Variants in SUSD4 observed in about 807,000 individuals in gnomAD.
SUSD4 encodes sushi domain-containing protein 4.
SUSD4 carries 41 observed loss-of-function variants against 50.5 expected under a neutral mutation model. The observed-to-expected ratio is 0.81, with a 90% CI of 0.63 to 1.05. The LOEUF is 1.05. Among genes scored for constraint, SUSD4 ranks in the 50% least tolerant of loss-of-function variants. The pLI, the probability that SUSD4 is intolerant of heterozygous loss-of-function variation, is 0.00. For synonymous variants in SUSD4, 257 were observed against 257.3 expected (o/e 1.00, Z 0.01); for missense variants, 580 against 634.7 (o/e 0.91, Z 0.93).
Position 223,270,903 on chromosome 1 carries a change from T to C in SUSD4, c.362-2228A>G, listed in dbSNP as rs76445061. ...ACTGTTCATGTTTAACAAACAGTTTTCCTGCTAGCATAGTTGAGTTCCCCA... is the reference window on the plus strand; with the variant it reads ...ACTGTTCATGTTTAACAAACAGTTTCCCTGCTAGCATAGTTGAGTTCCCCA... On this transcript the variant is annotated intron_variant, in intron 3 of 8. Coordinates refer to ENST00000366878, the MANE Select transcript of SUSD4 (RefSeq NM_017982.4). Among the ~76,000 whole-genome samples, 745 of 152,314 alleles carry C rather than the reference T, an allele frequency of 4.9e-3. 7 individuals are homozygous for C. The highest frequency in any genetic ancestry group is 0.015 in the African/African-American group (605 of 41,582).
intron 2 of SUSD4, among the ~76,000 whole-genome samples, chr1:223,345,148 C>T (rs1272497891): frequency 6.6e-6 from 1 of 152,152 alleles, no homozygotes; most frequent in African/African-American, 2.4e-5. Flanking sequence ...AAGTGGTGCT[C>T]ACAAACATAC....
chr1:223,234,070 CCA>C (rs1297237862), intron 5 of SUSD4, among the ~76,000 whole-genome samples: 1 of 152,154 alleles, frequency 6.6e-6, no homozygotes, highest in East Asian at 1.9e-4. Flanking sequence ...GCAGCAGAGT[CCA>C]GTTTTTACCA....
chr1:223,316,653 T>A (rs951675469), intron 2 of SUSD4, among the ~76,000 whole-genome samples: 2 of 152,182 alleles, frequency 1.3e-5, no homozygotes, highest in African/African-American at 4.8e-5. Flanking sequence ...GTCAGAACCA[T>A]GCCCAGTGGA....
At chr1:223,315,470 C>T (rs984775579) in intron 2 of SUSD4, among the ~76,000 whole-genome samples, 31 of 152,308 alleles carry the variant, frequency 2.0e-4, no homozygotes, top group Admixed American at 9.8e-4. Context: ...ACTGGACCCG[C>T]GGACTCCGCC....
At chr1:223,337,287 A>C (rs552198807) in intron 2 of SUSD4, among the ~76,000 whole-genome samples, 1 of 152,346 alleles carries the variant, frequency 6.6e-6, no homozygotes, top group African/African-American at 2.4e-5. Flanking sequence ...GATGTCTTCC[A>C]TTGCTCAAAC....
chr1:223,270,355 TCTGTGAACCTCTGCCCAAGCAAG>T (rs1325479697), intron 3 of SUSD4, among the ~76,000 whole-genome samples: 1 of 152,088 alleles, frequency 6.6e-6, no homozygotes, highest in Non-Finnish European at 1.5e-5. Flanking sequence ...CGAAAGGAGT[TCTGTGAACCTCTGCCCAAGCAAG>T]CTGTGAGGGC....
At chr1:223,350,220 A>G (rs1325993147) in intron 2 of SUSD4, among the ~76,000 whole-genome samples, 1 of 152,272 alleles carries the variant, frequency 6.6e-6, no homozygotes, top group Non-Finnish European at 1.5e-5. Context: ...TGACGGAGAC[A>G]GTATCCCACA....
chr1:223,243,175 A>G (rs764325469), intron 5 of SUSD4, among the ~76,000 whole-genome samples: 3 of 152,118 alleles, frequency 2.0e-5, no homozygotes, highest in Non-Finnish European at 2.9e-5. Flanking sequence ...CCATTCCCAC[A>G]TGGAGACACC....
intron 3 of SUSD4, among the ~76,000 whole-genome samples, chr1:223,287,188 G>T (rs1035100769): frequency 6.6e-6 from 1 of 152,208 alleles, no homozygotes; most frequent in Non-Finnish European, 1.5e-5. Flanking sequence ...CAATTCTCAT[G>T]CCTTGGCTTC....
intron 3 of SUSD4, among the ~76,000 whole-genome samples, chr1:223,278,051 T>C (rs1303985317): frequency 2.0e-5 from 3 of 152,038 alleles, no homozygotes; most frequent in African/African-American, 4.8e-5. Flanking sequence ...CTGATGCAGG[T>C]AGTCCTTGGC....
chr1:223,341,014 T>G (rs1228430693), intron 2 of SUSD4, among the ~76,000 whole-genome samples: 1 of 152,128 alleles, frequency 6.6e-6, no homozygotes, highest in East Asian at 1.9e-4. Flanking sequence ...AAAATACACA[T>G]GTTTGATATG....
At position 223,227,255 on chromosome 1, in the gene SUSD4, C is replaced by A. The variant is rs1396243977; in HGVS notation, c.1061+339G>T. Among the ~76,000 whole-genome samples, 1 of 152,120 alleles carries A rather than the reference C, an allele frequency of 6.6e-6. No homozygotes were observed. The highest frequency in any genetic ancestry group is 1.5e-5 in the Non-Finnish European group (1 of 68,024). On this transcript the variant is annotated intron_variant, in intron 7 of 8. Coordinates refer to ENST00000366878, the MANE Select transcript of SUSD4 (RefSeq NM_017982.4). This position sits in a 1 kb window ranked among gnomAD's most constrained non-coding sequence, Gnocchi z 4.5. ...AGACTGAGCTGTGTGGTGCTTCACT[C>A]CAGGGCCACATGCAGGGGGACCACA...
At chr1:223,235,204 T>A in intron 5 of SUSD4, 1 of 1,255,264 alleles carries the variant, frequency 8.0e-7, no homozygotes, top group Non-Finnish European at 1.1e-6. Context: ...AAAGACTTTA[T>A]TTTTAAGAGC....
rs1659925902 is a variant in SUSD4 at position 223,231,932 on chromosome 1, A to T, written c.725-2544T>A. On this transcript the variant is annotated intron_variant, in intron 5 of 8. Coordinates refer to ENST00000366878, the MANE Select transcript of SUSD4 (RefSeq NM_017982.4). The surrounding 1 kb of genome is among the most constrained non-coding windows in gnomAD (Gnocchi z 4.2). Reference sequence around the variant, plus strand: ...AAGGGTATGGCAAGTGTCCATTGACAGATGAATGGATAAAGAAAATATAGG... The same window carrying T: ...AAGGGTATGGCAAGTGTCCATTGACTGATGAATGGATAAAGAAAATATAGG... 6.6e-6 allele frequency among the ~76,000 whole-genome samples: 1 copy of T among 152,232 alleles called. No individual in the cohort carries two copies. The highest frequency in any genetic ancestry group is 2.4e-5 in the African/African-American group (1 of 41,458).
chr1:223,364,445 G>T (rs1669201712), upstream of SUSD4, among the ~76,000 whole-genome samples: 1 of 148,392 alleles, frequency 6.7e-6, no homozygotes, highest in African/African-American at 2.4e-5. This position sits in a 1 kb window ranked among gnomAD's most constrained non-coding sequence, Gnocchi z 4.5. Flanking sequence ...GCGCCGCGGC[G>T]TGGCCGGAGA....
upstream of SUSD4, among the ~76,000 whole-genome samples, chr1:223,364,932 C>T (rs1206936705): frequency 1.3e-5 from 2 of 152,186 alleles, no homozygotes; most frequent in Non-Finnish European, 2.9e-5. This position sits in a 1 kb window ranked among gnomAD's most constrained non-coding sequence, Gnocchi z 4.5. Flanking sequence ...CTCCCCCTCC[C>T]CCACACCCTT....
At chr1:223,254,189 T>A (rs1661526636) in intron 5 of SUSD4, among the ~76,000 whole-genome samples, 1 of 152,090 alleles carries the variant, frequency 6.6e-6, no homozygotes, top group African/African-American at 2.4e-5. Flanking sequence ...ACTGGTGAAA[T>A]CCCATCTCTG....
chr1:223,233,056 CA>C (rs1481465308), intron 5 of SUSD4, among the ~76,000 whole-genome samples: 1 of 152,180 alleles, frequency 6.6e-6, no homozygotes, highest in Non-Finnish European at 1.5e-5. Context: ...GCTCCTTATG[CA>C]ATTAGGATAC....
chr1:223,323,214 G>A (rs1047615200), intron 2 of SUSD4, among the ~76,000 whole-genome samples: 1 of 151,120 alleles, frequency 6.6e-6, no homozygotes, highest in Non-Finnish European at 1.5e-5. Flanking sequence ...GGGATGGAAG[G>A]AAAGAGGAAA....
Sources: gnomAD v4.1 joint callset for allele counts (sites outside exome capture counted in the v4.1 genomes callset) on GRCh38, gnomAD v4.1.1 for gene constraint, Gnocchi (gnomAD v3.1) non-coding constraint, MANE v1.5 for transcripts, NCBI Gene and HGNC (gene_info 2026-07-23, HGNC 2026-07-21) for gene names.